Variants in WDR62 observed in about 807,000 individuals in gnomAD.
WDR62 encodes WD repeat-containing protein 62.
In WDR62, 112 loss-of-function variants were observed where a neutral mutation model predicts 160.6. The ratio of observed to expected loss-of-function variants is 0.70; its 90% confidence interval spans 0.60 to 0.82. The LOEUF (loss-of-function observed/expected upper bound fraction) is 0.82, where lower values mean the gene tolerates loss of function less well. Ranked by LOEUF, WDR62 falls within the 40% of genes least tolerant of loss-of-function variation. The pLI is 0.00. For synonymous variants in WDR62, 792 were observed against 815.1 expected, an observed-to-expected ratio of 0.97 and a Z score of 0.48; for missense variants, 1,819 against 1,983.8, an observed-to-expected ratio of 0.92 and a Z score of 1.58.
chr19:36,095,040 A>G (rs1308460658), intron 20 of WDR62, among the ~76,000 whole-genome samples: 1 of 152,196 alleles, frequency 6.6e-6, no homozygotes, highest in Non-Finnish European at 1.5e-5. Flanking sequence ...GTAGAAAAAG[A>G]AAGAAACTCA....
chr19:36,071,310 C>G (rs1047849603), intron 7 of WDR62, among the ~76,000 whole-genome samples: 1 of 152,230 alleles, frequency 6.6e-6, no homozygotes, highest in East Asian at 1.9e-4. Flanking sequence ...CTACGTTTCT[C>G]TGTAGACAGC....
chr19:36,073,443 G>A lies in WDR62; in HGVS notation c.1145G>A (p.Ser382Asn). 6.2e-7 allele frequency: 1 copy of A among 1,614,142 alleles called. No homozygotes were observed. Among genetic ancestry groups the A allele is most frequent in the Middle Eastern group, 1.6e-4 (1 of 6,062 alleles). The change falls in exon 9 of 32, where the codon AGC becomes AAC. Residue 382 changes from serine to asparagine, a missense_variant. Physicochemically the swap from Ser to Asn is conservative, Grantham distance 46. Coordinates refer to ENST00000401500, the MANE Select transcript of WDR62 (RefSeq NM_001083961.2). ...QWLSCVYKDH[S>N]IYIWDVKDIN... ...CTGTCCTGCGTGTATAAGGACCACA[G>A]CATCTACATCTGGGATGTCAAGGAC...
chr19:36,068,107 A>T (rs900399275), intron 7 of WDR62, 97 bp downstream of exon 7: 2 of 1,428,722 alleles, frequency 1.4e-6, no homozygotes, highest in Non-Finnish European at 9.7e-7. Context: ...GGTTCTGCTT[A>T]TGTGACTAGT....
At chr19:36,085,796 G>A (rs957697434) in intron 12 of WDR62, among the ~76,000 whole-genome samples, 1 of 152,068 alleles carries the variant, frequency 6.6e-6, no homozygotes, top group African/African-American at 2.4e-5. Context: ...TTTCAAGACA[G>A]AGTCTTGCTC....
At chr19:36,066,449 T>C (rs769729888) in intron 5 of WDR62, 22 bp downstream of exon 5, 22 of 1,575,792 alleles carry the variant, frequency 1.4e-5, no homozygotes, top group Admixed American at 1.9e-5. Context: ...CCAGCAGGCC[T>C]GTGGCAGGCA....
chr19:36,073,352 C>T lies in WDR62; in HGVS notation c.1054C>T (p.His352Tyr). The change falls in exon 9 of 32, where the codon CAC (histidine) becomes TAC (tyrosine). Residue 352 changes from histidine to tyrosine, a missense_variant. Physicochemically the swap from His to Tyr is moderately conservative, Grantham distance 83 (BLOSUM62 2). Coordinates refer to ENST00000401500, the MANE Select transcript of WDR62 (RefSeq NM_001083961.2). ...AQGLEPSFLF[H>Y]RKAEAVYPDT... ...ATGTGGCCTTGTTAGCTTCCTCTTC[C>T]ACAGGAAGGCGGAAGCAGTCTACCC... is the stretch of plus-strand genomic sequence containing the variant. 1 of 1,614,144 alleles carries T rather than the reference C, an allele frequency of 6.2e-7. No homozygotes were observed. Among genetic ancestry groups the T allele is most frequent in the South Asian group, 1.1e-5 (1 of 91,072 alleles).
At chr19:36,076,568 AAAAG>A (rs1183156826) in intron 9 of WDR62, among the ~76,000 whole-genome samples, 3 of 151,984 alleles carry the variant, frequency 2.0e-5, no homozygotes, top group East Asian at 1.9e-4. Flanking sequence ...AAAAAAAAAA[AAAAG>A]AAAAAAGAGA....
At chr19:36,067,168 A>G in intron 5 of WDR62, 138 bp from the exon 6 acceptor site, 1 of 1,145,946 alleles carries the variant, frequency 8.7e-7, no homozygotes. Flanking sequence ...AGGTTTCCCC[A>G]TACAGCAGCT....
intron 29 of WDR62, 56 bp from the exon 30 acceptor site, chr19:36,103,287 G>A: frequency 6.2e-7 from 1 of 1,612,244 alleles, no homozygotes; most frequent in East Asian, 2.2e-5. Context: ...TGGGGCGTGG[G>A]GGCCCTAGCC....
chr19:36,085,883 T>C (rs911545865), intron 12 of WDR62, among the ~76,000 whole-genome samples: 1 of 151,708 alleles, frequency 6.6e-6, no homozygotes, highest in African/African-American at 2.4e-5. Context: ...GCATAGAAGG[T>C]ATTGCACGAT....
chr19:36,102,715 T>G (rs767339876), intron 26 of WDR62, 22 bp from the exon 27 acceptor site: 2 of 1,610,218 alleles, frequency 1.2e-6, no homozygotes, highest in Non-Finnish European at 1.7e-6. Context: ...GTTATGAGGG[T>G]CCCCTCGGGA....
chr19:36,105,903 T>G (rs1599854114), downstream of WDR62, among the ~76,000 whole-genome samples: 1 of 149,954 alleles, frequency 6.7e-6, no homozygotes, highest in East Asian at 2.2e-4. Flanking sequence ...TTTGCCATGT[T>G]GGCCAGGCTG....
chr19:36,072,212 A>G (rs1971337941), intron 8 of WDR62, among the ~76,000 whole-genome samples: 2 of 152,188 alleles, frequency 1.3e-5, no homozygotes, highest in African/African-American at 4.8e-5. Context: ...GGGACTCGGG[A>G]AGGAGAGTGA....
At chr19:36,109,723 G>C (rs1175267051), downstream of WDR62, among the ~76,000 whole-genome samples, 2 of 144,936 alleles carry the variant, frequency 1.4e-5, no homozygotes, top group Non-Finnish European at 3.0e-5. Context: ...AACAGAGTGA[G>C]AATCTGTCTC....
chr19:36,106,827 C>T (rs1027208653), downstream of WDR62, among the ~76,000 whole-genome samples: 7 of 152,198 alleles, frequency 4.6e-5, no homozygotes, highest in Admixed American at 4.6e-4. Context: ...TAAATCTCTG[C>T]TCTTAATGTT....
At chr19:36,076,557 C>CAA (rs889230931) in intron 9 of WDR62, among the ~76,000 whole-genome samples, 3 of 108,362 alleles carry the variant, frequency 2.8e-5, no homozygotes, top group Non-Finnish European at 3.9e-5. Flanking sequence ...GATCCTATCT[C>CAA]AAAAAAAAAA....
At chr19:36,061,141 C>G (rs551478006) in intron 3 of WDR62, 1 of 152,328 alleles carries the variant, frequency 6.6e-6, no homozygotes, top group East Asian at 1.9e-4. Flanking sequence ...AGGTACGGTC[C>G]TTAAGCTACG....
chr19:36,091,637 C>T (rs372256761), intron 18 of WDR62, among the ~76,000 whole-genome samples, 172 bp downstream of exon 18: 17 of 152,220 alleles, frequency 1.1e-4, no homozygotes, highest in Admixed American at 3.9e-4. Flanking sequence ...TGGCTCACGC[C>T]TGTAACCCCA....
chr19:36,099,067 C>T (rs1312693714), intron 21 of WDR62, among the ~76,000 whole-genome samples: 1 of 151,896 alleles, frequency 6.6e-6, no homozygotes, highest in Non-Finnish European at 1.5e-5. Context: ...ACTAAAAATA[C>T]AAAAATTAGC....
Sources: gnomAD v4.1 joint callset for allele counts (sites outside exome capture counted in the v4.1 genomes callset) on GRCh38, gnomAD v4.1.1 for gene constraint, MANE v1.5 for transcripts, NCBI Gene and HGNC (gene_info 2026-07-23, HGNC 2026-07-21) for gene names.